The following MAP3K7 variants were observed in gnomAD, a reference collection of about 807,000 sequenced individuals.
MAP3K7 encodes the protein TGF-beta activated kinase 1.
MAP3K7 carries 21 observed loss-of-function variants against 84.8 expected under a neutral mutation model. That is an observed-to-expected ratio of 0.25 (90% confidence interval 0.18 to 0.36). The LOEUF is 0.36. MAP3K7 is among the 10% of genes least tolerant of loss of function. The probability of loss-of-function intolerance (pLI) is 1.00; values close to 1 mark genes in which losing one functional copy is unlikely to be tolerated. For synonymous variants in MAP3K7, 241 were observed against 247.7 expected (o/e 0.97, Z 0.25); for missense variants, 503 against 747.7 (o/e 0.67, Z 3.82).
At chr6:90,530,622 T>C (rs1775477156) in intron 13 of MAP3K7, among the ~76,000 whole-genome samples, 1 of 152,128 alleles carries the variant, frequency 6.6e-6, no homozygotes, top group Non-Finnish European at 1.5e-5. Flanking sequence ...ATCCATTAAC[T>C]AATAAATAAA....
At chr6:90,580,009 T>G (rs9359895) in intron 1 of MAP3K7, among the ~76,000 whole-genome samples, 2 of 152,210 alleles carry the variant, frequency 1.3e-5, no homozygotes, top group Non-Finnish European at 2.9e-5. Flanking sequence ...TATAGATTTT[T>G]AAAAAATATA....
At chr6:90,544,800 AG>A (rs1378476461) in intron 11 of MAP3K7, among the ~76,000 whole-genome samples, 168 bp from the exon 12 acceptor site, 2 of 152,132 alleles carry the variant, frequency 1.3e-5, no homozygotes, top group Non-Finnish European at 2.9e-5. Flanking sequence ...AGAAAAGGCG[AG>A]ATTAAAGAGC....
At position 90,541,107 on chromosome 6, in the gene MAP3K7, C is replaced by CA. The variant is rs557043487; in HGVS notation, c.1291+3444dup. ...TACTGCCCTTATTAAAGTCCTAGAA[C>CA]AAAAAAAATCTAGAAAAACTTCAAA... On this transcript the variant is annotated intron_variant, in intron 12 of 16. Transcript: ENST00000369329. Among the ~76,000 whole-genome samples the CA allele has an allele frequency of 1.2e-4, 18 of 151,634 alleles. No homozygotes were observed. The East Asian group carries it at 1.7e-3, about 15-fold the overall frequency.
At chr6:90,538,781 A>T (rs1240242872) in intron 12 of MAP3K7, among the ~76,000 whole-genome samples, 1 of 151,828 alleles carries the variant, frequency 6.6e-6, no homozygotes, top group Admixed American at 6.6e-5. Flanking sequence ...TTTAAAAGTT[A>T]TCCCGGGTTT....
intron 13 of MAP3K7, among the ~76,000 whole-genome samples, chr6:90,531,956 GAA>G (rs796192167): frequency 1.4e-4 from 16 of 118,478 alleles, no homozygotes; most frequent in South Asian, 2.7e-4. Flanking sequence ...CTGTGTCTCG[GAA>G]AAAAAAAAAA....
rs1003443528 is a variant in MAP3K7 at position 90,536,667 on chromosome 6, A to T, written c.1292-266T>A. Reference sequence around the variant, plus strand: ...CTAATACAATAACCACTTCTACCACATGAATAGCTGCTGAACTCTCTTCCA... The same window carrying T: ...CTAATACAATAACCACTTCTACCACTTGAATAGCTGCTGAACTCTCTTCCA... On this transcript the variant is annotated intron_variant, in intron 12 of 16. Transcript: ENST00000369329. 8.4e-6 allele frequency: 3 copies of T among 355,942 alleles called. No homozygotes were observed. In the Admixed American group the frequency reaches 1.2e-4, roughly 15 times the overall value. 22.0% of individuals were successfully genotyped at this position (355,942 alleles called of 1,614,324 possible).
chr6:90,572,231 C>T (rs1776929883), intron 1 of MAP3K7, among the ~76,000 whole-genome samples: 2 of 151,786 alleles, frequency 1.3e-5, no homozygotes, highest in Non-Finnish European at 2.9e-5. Context: ...TAAAAATAGC[C>T]TTTGAATAAT....
intron 11 of MAP3K7, among the ~76,000 whole-genome samples, chr6:90,546,993 C>T (rs564044389): frequency 1.3e-5 from 2 of 152,156 alleles, no homozygotes; most frequent in African/African-American, 4.8e-5. Context: ...CATGTTTGAG[C>T]AGAAAGAATT....
intron 1 of MAP3K7, among the ~76,000 whole-genome samples, chr6:90,580,827 T>A (rs1031080313): frequency 6.6e-6 from 1 of 152,076 alleles, no homozygotes; most frequent in African/African-American, 2.4e-5. Flanking sequence ...AAAAGGGAGG[T>A]CAATTTGGAA....
chr6:90,561,448 C>T (rs941662218), intron 4 of MAP3K7, among the ~76,000 whole-genome samples, 174 bp downstream of exon 4: 4 of 152,148 alleles, frequency 2.6e-5, no homozygotes, highest in African/African-American at 7.2e-5. Context: ...ATTTCACATA[C>T]TAATGTTATA....
intron 12 of MAP3K7, chr6:90,537,349 C>T (rs1775714332): frequency 6.6e-6 from 1 of 151,960 alleles, no homozygotes; most frequent in African/African-American, 2.4e-5. Flanking sequence ...TGTAGTTTCC[C>T]GATTAGTAGA....
At chr6:90,543,478 G>A (rs1416437743) in intron 12 of MAP3K7, among the ~76,000 whole-genome samples, 1 of 152,040 alleles carries the variant, frequency 6.6e-6, no homozygotes, top group African/African-American at 2.4e-5. Context: ...TGCTTAATAT[G>A]TGAAGCACTG....
chr6:90,548,253 A>G, intron 9 of MAP3K7, 76 bp from the exon 10 acceptor site: 1 of 1,275,882 alleles, frequency 7.8e-7, no homozygotes, highest in Non-Finnish European at 1.1e-6. Context: ...TGTAACTTAC[A>G]TTCTTTTATA....
chr6:90,579,320 A>G (rs560752526), intron 1 of MAP3K7, among the ~76,000 whole-genome samples: 14 of 152,324 alleles, frequency 9.2e-5, no homozygotes, highest in Admixed American at 3.9e-4. Context: ...CAGTCTCCAA[A>G]GATGGCTGTC....
rs1490898069 is a variant in MAP3K7 at position 90,587,052 on chromosome 6, G to C, written c.-169C>G. ...AGCGGCCACAGCCGTGTCCGGCTCTGGCTCCGCTGCGTTTTCCGCCGACGG... is the reference window on the plus strand; with the variant it reads ...AGCGGCCACAGCCGTGTCCGGCTCTCGCTCCGCTGCGTTTTCCGCCGACGG... On this transcript the variant is annotated 5_prime_UTR_variant, in exon 1 of 17. Transcript: ENST00000369329. 4 of 760,216 alleles carry C rather than the reference G, an allele frequency of 5.3e-6. No homozygotes were observed. The African/African-American group carries it at 5.6e-5, about 11-fold the overall frequency. 47.1% of individuals were successfully genotyped at this position (760,216 alleles called of 1,614,324 possible). A position where few individuals can be genotyped will look rare whatever the true frequency, so the allele number is the denominator to read the frequency against.
chr6:90,568,921 T>C (rs974534950), intron 2 of MAP3K7, among the ~76,000 whole-genome samples: 3 of 152,030 alleles, frequency 2.0e-5, no homozygotes, highest in Non-Finnish European at 4.4e-5. Flanking sequence ...GCACGATGAG[T>C]ATATAGAATA....
At chr6:90,578,710 C>T (rs913683874) in intron 1 of MAP3K7, among the ~76,000 whole-genome samples, 1 of 152,134 alleles carries the variant, frequency 6.6e-6, no homozygotes, top group Non-Finnish European at 1.5e-5. Flanking sequence ...TCCCCCCATT[C>T]TGATATTAGC....
At chr6:90,579,580 A>G (rs1777200789) in intron 1 of MAP3K7, among the ~76,000 whole-genome samples, 1 of 152,292 alleles carries the variant, frequency 6.6e-6, no homozygotes, top group East Asian at 1.9e-4. Context: ...AGGCTTATTA[A>G]GTTCAATATG....
intron 6 of MAP3K7, among the ~76,000 whole-genome samples, chr6:90,555,171 G>C (rs1008506447): frequency 2.6e-5 from 4 of 152,072 alleles, no homozygotes; most frequent in African/African-American, 9.7e-5. Flanking sequence ...AAACTTCAGT[G>C]ACATATGGAG....
Sources: gnomAD v4.1 joint callset for allele counts (sites outside exome capture counted in the v4.1 genomes callset) on GRCh38, gnomAD v4.1.1 for gene constraint, MANE v1.5 for transcripts, NCBI Gene and HGNC (gene_info 2026-07-23, HGNC 2026-07-21) for gene names.